HSPG2: variants seen among roughly 807,000 people sequenced by gnomAD.
HSPG2 encodes heparan sulfate proteoglycan 2, also known as basement membrane-specific heparan sulfate proteoglycan core protein.
Under a neutral mutation model 526.6 loss-of-function variants are expected in HSPG2, and 278 were observed. The ratio of observed to expected loss-of-function variants is 0.53; its 90% CI spans 0.48 to 0.58. HSPG2 has a LOEUF of 0.58. HSPG2 is among the 20% of genes least tolerant of loss of function. The pLI is 0.00. For missense variants in HSPG2, 5,354 were observed against 6,099.5 expected (o/e 0.88, Z 4.07); for synonymous variants, 2,465 against 2,555.4 (o/e 0.96, Z 1.07).
At chr1:21,908,685 A>G (rs1307186819) in intron 1 of HSPG2, 1 of 478,510 alleles carries the variant, frequency 2.1e-6, no homozygotes, top group Non-Finnish European at 3.7e-6. Context: ...TCACTGCTTA[A>G]TGAGTTTGAA....
rs2098009084 is a variant in HSPG2, at chr1:21,832,535, A to G, written c.11167T>C (p.Phe3723Leu). The change falls in exon 81 of 97, where the codon TTC (phenylalanine) becomes CTC (leucine). Residue 3723 changes from phenylalanine (F) to leucine (L), a missense_variant. By Grantham distance (22) the Phe-to-Leu change is conservative (BLOSUM62 0). Transcript: ENST00000374695. The part of the protein sequence containing the change: ...PTNLANRQPD[F>L]ISFGLVGGRP... ...CCCCCCACGAGGCCGAAGGAGATGAAGTCGGGCTGCCGGTTGGCCAGGTTG... is the reference window on the plus strand; with the variant it reads ...CCCCCCACGAGGCCGAAGGAGATGAGGTCGGGCTGCCGGTTGGCCAGGTTG... 1 of 1,614,194 alleles carries G rather than the reference A, an allele frequency of 6.2e-7. No homozygotes were observed. Among genetic ancestry groups the G allele is most frequent in the Non-Finnish European group, 8.5e-7 (1 of 1,180,026 alleles).
At position 21,823,649 on chromosome 1, in the gene HSPG2, C is replaced by T. The variant is rs1223844783; in HGVS notation, c.12970G>A (p.Val4324Met). ...LVSGRSPGPN[V>M]AVNAKGSVYI... ...ACGCTGCCCTTGGCGTTGACTGCCA[C>T]GTTGGGACCTGGGGACCGGCCGCTG... The change falls in exon 96 of 97, where the codon GTG (valine) becomes ATG (methionine). Residue 4324 changes from valine (V) to methionine (M), a missense_variant. Physicochemically the swap from Val to Met is conservative, Grantham distance 21. Transcript: ENST00000374695. The T allele has an allele frequency of 6.2e-6, 10 of 1,613,814 alleles. No individual in the cohort carries two copies. The highest frequency in any genetic ancestry group is 1.7e-5 in the Admixed American group (1 of 60,022).
chr1:21,871,155 C>T (rs3820280), intron 33 of HSPG2, among the ~76,000 whole-genome samples: 1 of 152,106 alleles, frequency 6.6e-6, no homozygotes, highest in East Asian at 1.9e-4. Flanking sequence ...CCCTGCCCCC[C>T]ACAACACCAT....
intron 1 of HSPG2, among the ~76,000 whole-genome samples, chr1:21,916,159 G>A (rs1013363671): frequency 3.3e-5 from 5 of 151,964 alleles, no homozygotes; most frequent in African/African-American, 1.2e-4. Flanking sequence ...GAGGTCAGGA[G>A]TTGGAGACCA....
intron 1 of HSPG2, among the ~76,000 whole-genome samples, chr1:21,906,825 G>C (rs1472353060): frequency 6.6e-6 from 1 of 152,010 alleles, no homozygotes; most frequent in East Asian, 1.9e-4. Flanking sequence ...GGGTTCCACA[G>C]AACACACTTT....
chr1:21,839,409 G>A lies in HSPG2; in HGVS notation c.9851C>T (p.Ala3284Val), dbSNP rs779942755. ...GQYICNATSP[A>V]GHAEATIILH... is the part of the protein sequence containing the mutation. Reference sequence around the variant, plus strand: ...GATGATGGTGGCCTCAGCGTGCCCAGCAGGGCTAGTGGCATTGCAGATGTA... The same window carrying A: ...GATGATGGTGGCCTCAGCGTGCCCAACAGGGCTAGTGGCATTGCAGATGTA... The change falls in exon 73 of 97, where the codon GCT becomes GTT. Residue 3284 changes from alanine to valine, a missense_variant. Transcript: ENST00000374695. This position sits in a 1 kb window ranked among gnomAD's most constrained non-coding sequence, Gnocchi z 4.5. 9 of 1,613,806 alleles carry A rather than the reference G, an allele frequency of 5.6e-6. No individual in the cohort carries two copies. In the South Asian group the frequency reaches 8.8e-5, roughly 16 times the overall value.
At chr1:21,888,141 G>C in intron 6 of HSPG2, 75 bp from the exon 7 acceptor site, 1 of 1,594,920 alleles carries the variant, frequency 6.3e-7, no homozygotes. Context: ...GTGCTGTGTG[G>C]CTGGAGTGGG....
intron 1 of HSPG2, among the ~76,000 whole-genome samples, chr1:21,899,311 A>G (rs569403030): frequency 2.0e-5 from 3 of 152,348 alleles, no homozygotes; most frequent in South Asian, 4.2e-4. Flanking sequence ...GCTCCCAGAA[A>G]GAGCCAAAAG....
At chr1:21,862,583 C>CAAAAAAAAA (rs1164705115) in intron 37 of HSPG2, among the ~76,000 whole-genome samples, 2 of 9,274 alleles carry the variant, frequency 2.2e-4, no homozygotes, top group Non-Finnish European at 4.5e-4. Context: ...GACTCCATCT[C>CAAAAAAAAA]AAAAAAAAAA....
rs773606400 is a variant in HSPG2 at position 21,895,985 on chromosome 1, T to C, written c.200-19A>G. On this transcript the variant is annotated intron_variant, in intron 2 of 96. Transcript: ENST00000374695. The surrounding 1 kb of genome is among the most constrained non-coding windows in gnomAD (Gnocchi z 4.1). ...AGGTCGTCTATAAGCAAAAAAGAGA[T>C]GTAATCAGCAACAACAAGTATTTGT... 15 of 1,613,794 alleles carry C rather than the reference T, an allele frequency of 9.3e-6. No individual in the cohort carries two copies. Among genetic ancestry groups the C allele is most frequent in the Admixed American group, 1.7e-5 (1 of 59,996 alleles).
Position 21,850,465 on chromosome 1 carries a change from A to T in HSPG2, c.7192T>A (p.Ser2398Thr). ...HGSLLRLYQA[S>T]PADSGEYVCR... ...ACGTACTCGCCCGAGTCGGCGGGGG[A>T]CGCTTGGTAGAGTCTCAGCAGGGAG... The change falls in exon 56 of 97, where the codon TCC becomes ACC. Residue 2398 changes from serine to threonine, a missense_variant. Ser to Thr is a moderately conservative substitution (Grantham distance 58). Coordinates refer to ENST00000374695, the MANE Select transcript of HSPG2 (RefSeq NM_005529.7). 6.2e-7 allele frequency: 1 copy of T among 1,611,914 alleles called. No individual in the cohort carries two copies. The highest frequency in any genetic ancestry group is 8.5e-7 in the Non-Finnish European group (1 of 1,179,374).
intron 77 of HSPG2, among the ~76,000 whole-genome samples, 167 bp downstream of exon 77, chr1:21,834,512 T>G (rs1199053866): frequency 6.6e-6 from 1 of 152,090 alleles, no homozygotes; most frequent in Non-Finnish European, 1.5e-5. Flanking sequence ...CTCACTTTTA[T>G]CCCCTGCTGC....
intron 80 of HSPG2, 159 bp from the exon 81 acceptor site, chr1:21,832,765 G>C (rs2098010026): frequency 1.6e-6 from 1 of 629,290 alleles, no homozygotes; most frequent in African/African-American, 1.8e-5. Context: ...ACTATCTCAG[G>C]GCTGGTGCCC....
At chr1:21,930,766 T>G (rs1304937409) in intron 1 of HSPG2, among the ~76,000 whole-genome samples, 2 of 146,582 alleles carry the variant, frequency 1.4e-5, no homozygotes, top group Non-Finnish European at 3.0e-5. Context: ...AGATCAAGAC[T>G]CCATCTCAAA....
chr1:21,825,893 C>T (rs1329748853), intron 91 of HSPG2, among the ~76,000 whole-genome samples: 2 of 152,080 alleles, frequency 1.3e-5, no homozygotes, highest in Non-Finnish European at 2.9e-5. Context: ...TCAAGCAATT[C>T]TCCTGCCTTG....
rs35423650 is a variant in HSPG2, at chr1:21,836,717, C to A, written c.10355+85G>T. 66,553 of 1,197,210 alleles carry A rather than the reference C, an allele frequency of 0.056. 2,282 individuals are homozygous for A. Among genetic ancestry groups the A allele is most frequent in the South Asian group, 0.11 (8,394 of 77,060 alleles). The allele number at this position is 1,197,210 out of a possible 1,614,324, so 74.2% of individuals were successfully genotyped here. On this transcript the variant is annotated intron_variant, in intron 75 of 96. Transcript: ENST00000374695. ...CCAAGGACAGTGCTTCATGTTGCGCCCCCTGGGGCAGGTGCTTTAACTCTG... is the reference window on the plus strand; with the variant it reads ...CCAAGGACAGTGCTTCATGTTGCGCACCCTGGGGCAGGTGCTTTAACTCTG...
rs1468835818 is a variant in HSPG2, at chr1:21,875,761, G to A, written c.3184-14C>T. On this transcript the variant is annotated splice_polypyrimidine_tract_variant and intron_variant, in intron 24 of 96. Transcript: ENST00000374695. ...CTGCCATGCTTGCTGCCAAGGAGAG[G>A]ACACATGTGCTCAGCCCCTGACGTC... is the stretch of plus-strand genomic sequence containing the variant. 3.1e-6 allele frequency: 5 copies of A among 1,605,666 alleles called. No homozygotes were observed. The highest frequency in any genetic ancestry group is 1.7e-5 in the Admixed American group (1 of 60,006).
Position 21,895,896 on chromosome 1 carries a change from C to G in HSPG2, c.244+26G>C. The G allele has an allele frequency of 6.2e-7, 1 of 1,609,588 alleles. No homozygotes were observed. Among genetic ancestry groups the G allele is most frequent in the Non-Finnish European group, 8.5e-7 (1 of 1,176,100 alleles). On this transcript the variant is annotated intron_variant, in intron 3 of 96. Transcript: ENST00000374695. The surrounding 1 kb of genome is among the most constrained non-coding windows in gnomAD (Gnocchi z 4.1). The stretch of plus-strand genomic sequence containing the variant: ...GCTTCCCTGGGGGACAGGAGGGAGA[C>G]CTGCAGGAGGCCTGCAGCAACTTAC...
Position 21,854,335 on chromosome 1 carries a change from G to T in HSPG2, c.6297C>A (p.Gly2099=). 6.4e-7 allele frequency: 1 copy of T among 1,569,094 alleles called. No individual in the cohort carries two copies. The part of the protein sequence containing the change: ...GSLPPHTQVH[G]SRLRLPQVSP... The stretch of plus-strand genomic sequence containing the variant: ...AGACCTGGGGGAGCCGCAGACGGGA[G>T]CCGTGCACCTGGGCCAGGAGGAGCC... The change falls in exon 50 of 97, where the codon GGC becomes GGA. Residue 2099 remains glycine, a synonymous_variant. Transcript: ENST00000374695.
Sources: allele counts gnomAD v4.1 joint callset (sites outside exome capture counted in the v4.1 genomes callset), GRCh38; gene constraint gnomAD v4.1.1; non-coding constraint Gnocchi (gnomAD v3.1); transcripts MANE v1.5; gene names NCBI Gene and HGNC (gene_info 2026-07-23, HGNC 2026-07-21).